Variants in B3GALNT2 observed in about 807,000 individuals in gnomAD.
The protein encoded by B3GALNT2 is UDP-GalNAc:beta-1,3-N-acetylgalactosaminyltransferase 2.
In B3GALNT2, 53 loss-of-function variants were observed where a neutral mutation model predicts 61.1. The observed-to-expected ratio is 0.87, with a 90% CI of 0.70 to 1.09. The LOEUF (loss-of-function observed/expected upper bound fraction) is 1.09. B3GALNT2 is among the 50% of genes least tolerant of loss of function. The pLI is 0.00. For missense variants in B3GALNT2, 544 were observed against 623.0 expected (o/e 0.87, Z 1.35); for synonymous variants, 223 against 237.4 (o/e 0.94, Z 0.56).
intron 4 of B3GALNT2, among the ~76,000 whole-genome samples, chr1:235,481,589 C>G (rs1037342004): frequency 6.6e-6 from 1 of 152,154 alleles, no homozygotes; most frequent in African/African-American, 2.4e-5. Flanking sequence ...AGCAATCCAT[C>G]TGCCTTGCCC....
chr1:235,477,767 T>G (rs977770460), intron 5 of B3GALNT2, among the ~76,000 whole-genome samples: 8 of 152,212 alleles, frequency 5.3e-5, no homozygotes, highest in Non-Finnish European at 8.8e-5. Flanking sequence ...AAATTGCCCC[T>G]GGTGAAGAAA....
Position 235,448,741 on chromosome 1 carries a change from T to G in B3GALNT2, c.*1465A>C. 6.2e-7 allele frequency: 1 copy of G among 1,613,634 alleles called. No individual in the cohort carries two copies. On this transcript the variant is annotated 3_prime_UTR_variant, in exon 12 of 12. Coordinates refer to ENST00000366600, the MANE Select transcript of B3GALNT2 (RefSeq NM_152490.5). ...AGTTTTATTCTGTGGAAAATGGAGA[T>G]TGTCTATTAGTGCGATGGTGACAAC...
chr1:235,441,522 C>G, the B3GALNT2 span: 1 of 438,186 alleles, frequency 2.3e-6, no homozygotes, highest in Non-Finnish European at 4.2e-6. Context: ...ATGTAATACA[C>G]ATGTAAACAT....
chr1:235,449,771 T>C lies in B3GALNT2; in HGVS notation c.*435A>G, dbSNP rs1483489642. ...ACACAGCATTCCTGTGAGTTCCTTT[T>C]TGTCTGATAATTATCCTAATTAGCT... is the stretch of plus-strand genomic sequence containing the variant. On this transcript the variant is annotated 3_prime_UTR_variant, in exon 12 of 12. Transcript: ENST00000366600. The C allele has an allele frequency of 6.5e-6, 1 of 154,832 alleles. No homozygotes were observed. Among genetic ancestry groups the C allele is most frequent in the African/African-American group, 2.4e-5 (1 of 41,408 alleles). The allele number at this position is 154,832 out of a possible 1,614,324, so 9.6% of individuals were successfully genotyped here.
Position 235,448,189 on chromosome 1 carries a change from G to T in B3GALNT2, c.*2017C>A, listed in dbSNP as rs1267648981. 5.0e-5 allele frequency among the ~76,000 whole-genome samples: 6 copies of T among 119,540 alleles called. No homozygotes were observed. In the East Asian group the frequency reaches 1.5e-3, roughly 29 times the overall value. 78.4% of individuals were successfully genotyped at this position (119,540 alleles called of 152,430 possible). On this transcript the variant is annotated 3_prime_UTR_variant, in exon 12 of 12. Coordinates refer to ENST00000366600, the MANE Select transcript of B3GALNT2 (RefSeq NM_152490.5). The stretch of plus-strand genomic sequence containing the variant: ...CACTCCAGCCTGGGCGACAGAGCAA[G>T]ACTTACTTAAGTAAGTAAGTAAGTC...
In B3GALNT2 at chr1:235,448,607, G is replaced by C; in HGVS notation, c.*1599C>G. ...TGGGGACGGGGTGGGGGAAGAGTAT[G>C]TGTAGCATGCTTTATCGGATCTGTC... On this transcript the variant is annotated 3_prime_UTR_variant, in exon 12 of 12. Coordinates refer to ENST00000366600, the MANE Select transcript of B3GALNT2 (RefSeq NM_152490.5). 1 of 1,451,754 alleles carries C rather than the reference G, an allele frequency of 6.9e-7. No individual in the cohort carries two copies. Among genetic ancestry groups the C allele is most frequent in the Non-Finnish European group, 9.7e-7 (1 of 1,032,640 alleles). The allele number at this position is 1,451,754 out of a possible 1,614,324, so 89.9% of individuals were successfully genotyped here.
rs77916864 is a variant in B3GALNT2, at chr1:235,484,081, G to A, written c.555+241C>T. Among the ~76,000 whole-genome samples the A allele has an allele frequency of 1.2e-3, 182 of 152,226 alleles. 2 individuals are homozygous for A. Among genetic ancestry groups the A allele is most frequent in the African/African-American group, 4.1e-3 (169 of 41,550 alleles). On this transcript the variant is annotated intron_variant, in intron 4 of 11. Coordinates refer to ENST00000366600, the MANE Select transcript of B3GALNT2 (RefSeq NM_152490.5). ...AGGTTTTAGGGAATTTTAGGTTGGA[G>A]ATTTCTAATCTAGTCAACTCCTTCT...
chr1:235,498,873 A>AAAAAAAAC (rs1685456101), intron 1 of B3GALNT2, among the ~76,000 whole-genome samples: 1 of 139,920 alleles, frequency 7.1e-6, no homozygotes, highest in African/African-American at 2.7e-5. Flanking sequence ...AAAAAAAAAA[A>AAAAAAAAC]AAGGCTACTC....
intron 1 of B3GALNT2, among the ~76,000 whole-genome samples, chr1:235,498,756 C>T (rs1394643730): frequency 7.1e-6 from 1 of 141,548 alleles, no homozygotes; most frequent in Non-Finnish European, 1.5e-5. Context: ...AGTCAGGAGA[C>T]TTGCTTGAAC....
chr1:235,478,753 GAT>G (rs1684417772), intron 5 of B3GALNT2, among the ~76,000 whole-genome samples: 1 of 152,170 alleles, frequency 6.6e-6, no homozygotes, highest in Non-Finnish European at 1.5e-5. Context: ...AGATGTTCGT[GAT>G]ATGTTAAAGT....
chr1:235,494,867 T>A (rs781059776), intron 1 of B3GALNT2, 39 bp from the exon 2 acceptor site: 18 of 1,519,628 alleles, frequency 1.2e-5, no homozygotes, highest in Admixed American at 1.8e-5. Flanking sequence ...AAGTCATGTA[T>A]CAATTACTAT....
At chr1:235,501,817 GTT>G (rs1011372142) in intron 1 of B3GALNT2, among the ~76,000 whole-genome samples, 1 of 151,308 alleles carries the variant, frequency 6.6e-6, no homozygotes, top group Non-Finnish European at 1.5e-5. Flanking sequence ...AAAATCTTGG[GTT>G]TTTTTTTCTC....
At chr1:235,442,603 T>A (rs534021322), downstream of B3GALNT2, among the ~76,000 whole-genome samples, 32 of 152,354 alleles carry the variant, frequency 2.1e-4, no homozygotes, top group African/African-American at 7.0e-4. Flanking sequence ...TGTGAATTTA[T>A]GACTTGAAAA....
Position 235,462,749 on chromosome 1 carries a change from C to T in B3GALNT2, c.841+2887G>A, listed in dbSNP as rs374916364. Among the ~76,000 whole-genome samples, 20 of 152,254 alleles carry T rather than the reference C, an allele frequency of 1.3e-4. No individual in the cohort carries two copies. In the South Asian group the frequency reaches 1.9e-3, roughly 14 times the overall value. Reference sequence around the variant, plus strand: ...GTTCAAAGACTTAATACTGTTAACACGGCAATACTCCCCAGGTTGATCCAC... The same window carrying T: ...GTTCAAAGACTTAATACTGTTAACATGGCAATACTCCCCAGGTTGATCCAC... On this transcript the variant is annotated intron_variant, in intron 7 of 11. Transcript: ENST00000366600.
chr1:235,441,949 T>G, the B3GALNT2 span: 1 of 1,425,844 alleles, frequency 7.0e-7, no homozygotes, highest in Non-Finnish European at 9.8e-7. Flanking sequence ...AGTTAGTGTG[T>G]TTCTCTTAAG....
intron 7 of B3GALNT2, among the ~76,000 whole-genome samples, chr1:235,459,489 G>A (rs1256621946): frequency 1.3e-5 from 2 of 152,096 alleles, no homozygotes; most frequent in South Asian, 2.1e-4. Flanking sequence ...CAGGCATAGT[G>A]GTGCATGCCT....
chr1:235,465,800 A>G, intron 6 of B3GALNT2, 86 bp from the exon 7 acceptor site: 2 of 1,495,038 alleles, frequency 1.3e-6, no homozygotes, highest in African/African-American at 2.8e-5. Context: ...AAATCATAAT[A>G]TGACTCCACT....
rs1051786545 is a variant in B3GALNT2 at position 235,447,542 on chromosome 1, C to T, written c.*2664G>A. ...TACACATGATGTAATTACAGAATGGCGGCGCTGGAAGGGACCTTGTAGATC... is the reference window on the plus strand; with the variant it reads ...TACACATGATGTAATTACAGAATGGTGGCGCTGGAAGGGACCTTGTAGATC... On this transcript the variant is annotated 3_prime_UTR_variant, in exon 12 of 12. Transcript: ENST00000366600. Among the ~76,000 whole-genome samples, 4 of 152,052 alleles carry T rather than the reference C, an allele frequency of 2.6e-5. No individual in the cohort carries two copies. The highest frequency in any genetic ancestry group is 5.9e-5 in the Non-Finnish European group (4 of 68,030).
intron 7 of B3GALNT2, 128 bp from the exon 8 acceptor site, chr1:235,458,914 T>C (rs1683291114): frequency 1.2e-6 from 1 of 866,294 alleles, no homozygotes; most frequent in East Asian, 2.9e-5. Context: ...TTTGGAACTT[T>C]AGGTAGAAAA....
Sources: allele counts gnomAD v4.1 joint callset (sites outside exome capture counted in the v4.1 genomes callset), GRCh38; gene constraint gnomAD v4.1.1; transcripts MANE v1.5; gene names NCBI Gene and HGNC (gene_info 2026-07-23, HGNC 2026-07-21).